Variants in ASAH2 observed in about 807,000 individuals in gnomAD.
The protein encoded by ASAH2 is N-acylsphingosine amidohydrolase 2.
A neutral mutation model predicts 82.9 loss-of-function variants in ASAH2; 58 were observed. The observed-to-expected ratio is 0.70, with a 90% confidence interval of 0.57 to 0.87. The LOEUF (loss-of-function observed/expected upper bound fraction) is 0.87, where lower values mean the gene tolerates loss of function less well. Ranked by LOEUF, ASAH2 falls within the 40% of genes least tolerant of loss-of-function variation. The pLI is 0.00. For synonymous variants in ASAH2, 276 were observed against 289.7 expected, an observed-to-expected ratio of 0.95 and a Z score of 0.48; for missense variants, 779 against 834.0, an observed-to-expected ratio of 0.93 and a Z score of 0.81.
At chr10:50,216,368 C>T (rs1845602533) in intron 8 of ASAH2, among the ~76,000 whole-genome samples, 2 of 152,080 alleles carry the variant, frequency 1.3e-5, no homozygotes, top group Non-Finnish European at 1.5e-5. Context: ...TAAAGGCTCA[C>T]ATTACAGTCG....
At chr10:50,197,622 T>C (rs1328177885) in intron 17 of ASAH2, among the ~76,000 whole-genome samples, 1 of 151,998 alleles carries the variant, frequency 6.6e-6, no homozygotes, top group Non-Finnish European at 1.5e-5. Flanking sequence ...AGATAGGTTA[T>C]GTATTACCAT....
intron 4 of ASAH2, among the ~76,000 whole-genome samples, chr10:50,239,828 A>ATTTTTTTTTTT (rs1208518684): frequency 3.3e-5 from 4 of 120,656 alleles, no homozygotes; most frequent in Non-Finnish European, 5.0e-5. Flanking sequence ...CTCACATTTA[A>ATTTTTTTTTTT]TTTTTTTTTT....
At chr10:50,205,489 A>G (rs1295500497) in intron 13 of ASAH2, among the ~76,000 whole-genome samples, 2 of 151,986 alleles carry the variant, frequency 1.3e-5, no homozygotes, top group African/African-American at 2.4e-5. Flanking sequence ...TAACTCAACA[A>G]TCCAAGTTTT....
At chr10:50,205,003 A>G in intron 13 of ASAH2, 48 bp from the exon 14 acceptor site, 2 of 1,336,724 alleles carry the variant, frequency 1.5e-6, no homozygotes, top group Non-Finnish European at 2.1e-6. Flanking sequence ...CACTCTCTCT[A>G]TGGTCAACAG....
At chr10:50,248,762 T>C (rs932166214) in intron 1 of ASAH2, among the ~76,000 whole-genome samples, 116 bp from the exon 2 acceptor site, 3 of 152,218 alleles carry the variant, frequency 2.0e-5, no homozygotes. Context: ...ACAGAGCACT[T>C]ACCACTCATT....
At chr10:50,212,765 C>T (rs1413793510) in intron 10 of ASAH2, among the ~76,000 whole-genome samples, 1 of 152,066 alleles carries the variant, frequency 6.6e-6, no homozygotes, top group African/African-American at 2.4e-5. Context: ...AAATGTACTT[C>T]CTATAAGAAG....
chr10:50,230,839 G>T (rs1846003967), intron 7 of ASAH2, among the ~76,000 whole-genome samples: 1 of 152,004 alleles, frequency 6.6e-6, no homozygotes, highest in African/African-American at 2.4e-5. Flanking sequence ...CCAGGAGTTT[G>T]AGATCAGTCT....
intron 18 of ASAH2, among the ~76,000 whole-genome samples, chr10:50,194,406 G>GAA (rs1174511436): frequency 6.6e-6 from 1 of 151,366 alleles, no homozygotes; most frequent in Non-Finnish European, 1.5e-5. Context: ...CACCTCAGTA[G>GAA]AAAAAAAATT....
chr10:50,242,765 G>A lies in ASAH2; in HGVS notation c.510+437C>T, dbSNP rs924072067. Among the ~76,000 whole-genome samples the A allele has an allele frequency of 3.9e-5, 6 of 152,008 alleles. No homozygotes were observed. The East Asian group carries it at 5.8e-4, about 15-fold the overall frequency. ...CCAGCTTCTATAACTACCAATTCACGGTCAACCTCATTTCAATGTTGCGTT... is the reference window on the plus strand; with the variant it reads ...CCAGCTTCTATAACTACCAATTCACAGTCAACCTCATTTCAATGTTGCGTT... On this transcript the variant is annotated intron_variant, in intron 4 of 20. Transcript: ENST00000682911.
intron 9 of ASAH2, among the ~76,000 whole-genome samples, chr10:50,214,287 C>T (rs998170814): frequency 1.3e-5 from 2 of 152,106 alleles, no homozygotes; most frequent in African/African-American, 4.8e-5. Context: ...ATTCTCTGTA[C>T]TTCCACATTA....
At chr10:50,236,452 C>T (rs1174477542) in intron 4 of ASAH2, among the ~76,000 whole-genome samples, 1 of 152,068 alleles carries the variant, frequency 6.6e-6, no homozygotes, top group Non-Finnish European at 1.5e-5. Flanking sequence ...GATTCAATTA[C>T]CTCCCATGGG....
intron 3 of ASAH2, 25 bp from the exon 4 acceptor site, chr10:50,243,376 C>G (rs759744354): frequency 1.2e-6 from 2 of 1,609,228 alleles, no homozygotes; most frequent in Admixed American, 3.4e-5. Context: ...ACAATCAGAG[C>G]TGCTCTGTCT....
intron 1 of ASAH2, among the ~76,000 whole-genome samples, chr10:50,250,486 A>G (rs1238710029): frequency 2.6e-5 from 4 of 152,178 alleles, no homozygotes; most frequent in Non-Finnish European, 4.4e-5. Context: ...ATCAACTTCT[A>G]TTGTCAGTTT....
At position 50,210,916 on chromosome 10, in the gene ASAH2, G is replaced by C; in HGVS notation, c.1333-12C>G. On this transcript the variant is annotated splice_polypyrimidine_tract_variant and intron_variant, in intron 11 of 20. Coordinates refer to ENST00000682911, the MANE Select transcript of ASAH2 (RefSeq NM_019893.4). ...TTACATGTTTTTGACTAAAGGAAAA[G>C]TTTTAAAAACAAAACAAAAATGAAA... The C allele has an allele frequency of 6.2e-7, 1 of 1,612,536 alleles. No individual in the cohort carries two copies. Among genetic ancestry groups the C allele is most frequent in the Non-Finnish European group, 8.5e-7 (1 of 1,178,688 alleles).
intron 12 of ASAH2, among the ~76,000 whole-genome samples, chr10:50,208,695 T>C (rs1268894252): frequency 6.6e-6 from 1 of 152,138 alleles, no homozygotes; most frequent in Non-Finnish European, 1.5e-5. Context: ...TCTATGTACG[T>C]GGATCAGATT....
chr10:50,205,962 T>A lies in ASAH2; in HGVS notation c.1530+20A>T. Reference sequence around the variant, plus strand: ...AAATAACAATATGCTAATTTCACTATGATAACGAAAATGCATTACTTCTCC... The same window carrying A: ...AAATAACAATATGCTAATTTCACTAAGATAACGAAAATGCATTACTTCTCC... On this transcript the variant is annotated intron_variant, in intron 13 of 20. Coordinates refer to ENST00000682911, the MANE Select transcript of ASAH2 (RefSeq NM_019893.4). 1 of 1,558,056 alleles carries A rather than the reference T, an allele frequency of 6.4e-7. No homozygotes were observed. The highest frequency in any genetic ancestry group is 8.9e-7 in the Non-Finnish European group (1 of 1,129,290).
intron 18 of ASAH2, among the ~76,000 whole-genome samples, chr10:50,195,980 C>T (rs1400525987): frequency 1.3e-5 from 2 of 151,782 alleles, no homozygotes; most frequent in Non-Finnish European, 2.9e-5. Context: ...AAGAGGGCTA[C>T]TGTACAACTT....
intron 13 of ASAH2, among the ~76,000 whole-genome samples, chr10:50,205,438 T>C (rs1845269092): frequency 1.3e-5 from 2 of 151,832 alleles, no homozygotes; most frequent in Non-Finnish European, 2.9e-5. Context: ...TTCAAGAATT[T>C]TAATAGGATA....
chr10:50,234,212 A>G (rs1846088792), intron 6 of ASAH2, among the ~76,000 whole-genome samples: 1 of 152,060 alleles, frequency 6.6e-6, no homozygotes, highest in Non-Finnish European at 1.5e-5. Flanking sequence ...CATAATCAAC[A>G]AAGTGGAAAG....
Sources: allele counts gnomAD v4.1 joint callset (sites outside exome capture counted in the v4.1 genomes callset), GRCh38; gene constraint gnomAD v4.1.1; transcripts MANE v1.5; gene names NCBI Gene and HGNC (gene_info 2026-07-23, HGNC 2026-07-21).